GBE1: variants seen among roughly 807,000 people sequenced by gnomAD.
GBE1 encodes 1,4-alpha-glucan-branching enzyme.
GBE1 carries 70 observed loss-of-function variants against 88.8 expected under a neutral mutation model. That is an observed-to-expected ratio of 0.79 (90% CI 0.65 to 0.96). GBE1 has a LOEUF of 0.96. GBE1 is among the 40% of genes least tolerant of loss of function. The probability of loss-of-function intolerance (pLI) is 0.00; values close to 1 mark genes in which losing one functional copy is unlikely to be tolerated. For missense variants in GBE1, 872 were observed against 871.0 expected, an observed-to-expected ratio of 1.00 and a Z score of -0.01; for synonymous variants, 284 against 300.1, an observed-to-expected ratio of 0.95 and a Z score of 0.56.
chr3:81,722,274 T>C (rs1706044636), intron 1 of GBE1, among the ~76,000 whole-genome samples: 1 of 152,168 alleles, frequency 6.6e-6, no homozygotes, highest in South Asian at 2.1e-4. Context: ...AAAAAGATGT[T>C]CATGATACAC....
chr3:81,591,136 T>C lies in GBE1; in HGVS notation c.1137A>G (p.Glu379=). 1 of 1,605,676 alleles carries C rather than the reference T, an allele frequency of 6.2e-7. No individual in the cohort carries two copies. Among genetic ancestry groups the C allele is most frequent in the Non-Finnish European group, 8.5e-7 (1 of 1,175,252 alleles). Reference sequence around the variant, plus strand: ...CTTCATCTACTTGTAGTCCGAAATATTCACTGTAATCACCTGAGAAACCTT... The same window carrying C: ...CTTCATCTACTTGTAGTCCGAAATACTCACTGTAATCACCTGAGAAACCTT... ...VGQGFSGDYS[E]YFGLQVDEDA... Residue 379 remains glutamate (E), a synonymous_variant, in exon 9 of 16, where the codon GAA becomes GAG. Coordinates refer to ENST00000429644, the MANE Select transcript of GBE1 (RefSeq NM_000158.4).
At chr3:81,750,603 G>T (rs71626868) in intron 1 of GBE1, among the ~76,000 whole-genome samples, 1 of 38,272 alleles carries the variant, frequency 2.6e-5, no homozygotes, top group Non-Finnish European at 4.2e-5. Flanking sequence ...ATATATATGT[G>T]TATATATATA....
chr3:81,506,861 A>G (rs1414832317), intron 14 of GBE1, among the ~76,000 whole-genome samples: 1 of 152,194 alleles, frequency 6.6e-6, no homozygotes, highest in East Asian at 1.9e-4. Context: ...GCAGAGCTAA[A>G]TAAGGAGAAC....
intron 2 of GBE1, among the ~76,000 whole-genome samples, chr3:81,692,841 A>G (rs1431269593): frequency 6.6e-6 from 1 of 152,180 alleles, no homozygotes; most frequent in Non-Finnish European, 1.5e-5. Flanking sequence ...TTAATTTTAA[A>G]TCTTAAGGTT....
At chr3:81,581,816 G>A (rs559467409) in intron 10 of GBE1, among the ~76,000 whole-genome samples, 23 of 151,820 alleles carry the variant, frequency 1.5e-4, no homozygotes, top group Non-Finnish European at 3.1e-4. Flanking sequence ...ATTTCTAGTC[G>A]GTGTTCAGTC....
intron 7 of GBE1, among the ~76,000 whole-genome samples, chr3:81,620,938 TCA>T (rs1313894941): frequency 6.6e-6 from 1 of 152,086 alleles, no homozygotes; most frequent in African/African-American, 2.4e-5. Flanking sequence ...ATGTGTAAAG[TCA>T]CAGAGACTCA....
chr3:81,658,548 G>C (rs974714945), intron 3 of GBE1, among the ~76,000 whole-genome samples: 4 of 152,144 alleles, frequency 2.6e-5, no homozygotes, highest in Non-Finnish European at 4.4e-5. Context: ...ATGATTTAGA[G>C]AGACAGAAGC....
chr3:81,501,686 C>CTTTTTTTTTTTTTTTT lies in GBE1; in HGVS notation c.1935-2475_1935-2460dup, dbSNP rs35149061. On this transcript the variant is annotated intron_variant, in intron 14 of 15. Coordinates refer to ENST00000429644, the MANE Select transcript of GBE1 (RefSeq NM_000158.4). ...GAATTCCCTCATTTACTTAGGGGCA[C>CTTTTTTTTTTTTTTTT]TTTTTTTTTTTTTTTTTTTTTTTTT... 1.8e-4 allele frequency among the ~76,000 whole-genome samples: 13 copies of CTTTTTTTTTTTTTTTT among 71,994 alleles called. 2 individuals are homozygous for CTTTTTTTTTTTTTTTT. Among genetic ancestry groups the CTTTTTTTTTTTTTTTT allele is most frequent in the African/African-American group, 7.7e-4 (13 of 16,790 alleles). 47.2% of individuals were successfully genotyped at this position (71,994 alleles called of 152,430 possible). A position where few individuals can be genotyped will look rare whatever the true frequency, so the allele number is the denominator to read the frequency against.
At chr3:81,725,489 A>C (rs776662879) in intron 1 of GBE1, among the ~76,000 whole-genome samples, 21 of 152,170 alleles carry the variant, frequency 1.4e-4, no homozygotes, top group Non-Finnish European at 2.4e-4. Context: ...CCTCCTGAAG[A>C]GCCTGCCTGA....
At chr3:81,596,406 T>G (rs1193555191) in intron 7 of GBE1, among the ~76,000 whole-genome samples, 1 of 151,892 alleles carries the variant, frequency 6.6e-6, no homozygotes, top group African/African-American at 2.4e-5. Context: ...CATTTAACAT[T>G]AGGTATATCT....
At chr3:81,657,938 T>C (rs1450391298) in intron 3 of GBE1, among the ~76,000 whole-genome samples, 1 of 152,098 alleles carries the variant, frequency 6.6e-6, no homozygotes, top group African/African-American at 2.4e-5. Context: ...CCCTGAGCTC[T>C]TATATTATGC....
At chr3:81,502,431 T>G (rs1311981259) in intron 14 of GBE1, among the ~76,000 whole-genome samples, 1 of 152,184 alleles carries the variant, frequency 6.6e-6, no homozygotes, top group African/African-American at 2.4e-5. Context: ...GAAAAAAATT[T>G]TCTGTGTCCA....
intron 12 of GBE1, among the ~76,000 whole-genome samples, chr3:81,564,448 C>T (rs1390450248): frequency 6.6e-6 from 1 of 152,098 alleles, no homozygotes; most frequent in Non-Finnish European, 1.5e-5. Flanking sequence ...GCAGTATTTC[C>T]GGGGCATCCT....
intron 2 of GBE1, among the ~76,000 whole-genome samples, chr3:81,696,495 T>A (rs144427291): frequency 7.8e-4 from 119 of 152,338 alleles, no homozygotes; most frequent in African/African-American, 2.7e-3. Flanking sequence ...AAATTTGATA[T>A]ATGTTGTACT....
At chr3:81,517,238 C>A (rs1327376111) in intron 14 of GBE1, among the ~76,000 whole-genome samples, 1 of 151,498 alleles carries the variant, frequency 6.6e-6, no homozygotes, top group Non-Finnish European at 1.5e-5. Flanking sequence ...AACATCAAGG[C>A]AAGAGCCTCC....
intron 1 of GBE1, among the ~76,000 whole-genome samples, chr3:81,719,028 T>C (rs532250496): frequency 3.9e-4 from 60 of 152,268 alleles, no homozygotes; most frequent in African/African-American, 1.4e-3. Flanking sequence ...TCTTAAATAA[T>C]TTTAATAAGT....
At chr3:81,685,693 T>C (rs1161860286) in intron 2 of GBE1, among the ~76,000 whole-genome samples, 7 of 152,108 alleles carry the variant, frequency 4.6e-5, no homozygotes, top group African/African-American at 2.4e-5. Context: ...TTCCAATCTT[T>C]TCTTTTCTCT....
intron 1 of GBE1, among the ~76,000 whole-genome samples, chr3:81,718,699 C>T (rs1220430073): frequency 6.6e-6 from 1 of 152,068 alleles, no homozygotes; most frequent in African/African-American, 2.4e-5. Flanking sequence ...TGAAATGGCA[C>T]AATCTTGGCT....
chr3:81,637,172 C>A (rs145826901), intron 7 of GBE1, among the ~76,000 whole-genome samples: 1 of 152,168 alleles, frequency 6.6e-6, no homozygotes, highest in Non-Finnish European at 1.5e-5. Context: ...TGTAATCTTT[C>A]TTTCTCTCAA....
Sources: allele counts gnomAD v4.1 joint callset (sites outside exome capture counted in the v4.1 genomes callset), GRCh38; gene constraint gnomAD v4.1.1; transcripts MANE v1.5; gene names NCBI Gene and HGNC (gene_info 2026-07-23, HGNC 2026-07-21).